Variants in RIMKLA observed in about 807,000 individuals in gnomAD.
RIMKLA encodes ribosomal modification protein rimK like family member A.
RIMKLA carries 14 observed loss-of-function variants against 32.7 expected under a neutral mutation model. That is an observed-to-expected ratio of 0.43 (90% CI 0.28 to 0.67). The LOEUF (loss-of-function observed/expected upper bound fraction) is 0.67. RIMKLA is among the 30% of genes least tolerant of loss of function. RIMKLA has a pLI of 0.18. For synonymous variants in RIMKLA, 176 were observed against 204.1 expected (o/e 0.86, Z 1.18); for missense variants, 410 against 519.0 (o/e 0.79, Z 2.04).
At chr1:42,401,272 G>C in intron 2 of RIMKLA, among the ~76,000 whole-genome samples, 1 of 152,160 alleles carries the variant, frequency 6.6e-6, no homozygotes, top group South Asian at 2.1e-4. Context: ...CTGATGTGCC[G>C]CCCGGTTCCT....
intron 3 of RIMKLA, among the ~76,000 whole-genome samples, chr1:42,406,221 A>G (rs1643146503): frequency 6.6e-6 from 1 of 152,218 alleles, no homozygotes; most frequent in African/African-American, 2.4e-5. Context: ...AAAAAATGAA[A>G]ATACAATTCA....
chr1:42,409,201 C>CAAAAAAAAAAAAAAA (rs59543497), intron 3 of RIMKLA, among the ~76,000 whole-genome samples: 7 of 64,480 alleles, frequency 1.1e-4, no homozygotes, highest in African/African-American at 4.0e-4. Context: ...GACTCTGTCT[C>CAAAAAAAAAAAAAAA]AAAAAAAAAA....
At chr1:42,385,205 A>G (rs1642925851) in intron 1 of RIMKLA, among the ~76,000 whole-genome samples, 1 of 152,224 alleles carries the variant, frequency 6.6e-6, no homozygotes. Flanking sequence ...CTTAAAAGCT[A>G]CTTTGAAGTA....
chr1:42,385,844 C>CTCTCTCTCTCTCTCTTTCTT (rs1184237388), intron 1 of RIMKLA, among the ~76,000 whole-genome samples: 9 of 57,080 alleles, frequency 1.6e-4, no homozygotes, highest in Admixed American at 1.4e-3. Context: ...TTCTTTCTTT[C>CTCTCTCTCTCTCTCTTTCTT]TCTTTCTTTC....
intron 1 of RIMKLA, among the ~76,000 whole-genome samples, chr1:42,384,382 T>A (rs1264488777): frequency 6.6e-6 from 1 of 151,816 alleles, no homozygotes; most frequent in Non-Finnish European, 1.5e-5. Flanking sequence ...TCTTCATTCG[T>A]TTCATAAATA....
At chr1:42,385,833 T>C (rs1263737965) in intron 1 of RIMKLA, among the ~76,000 whole-genome samples, 6,959 of 85,336 alleles carry the variant, frequency 0.082, 1,487 homozygotes, top group Middle Eastern at 0.14. Context: ...CCTTCCTTTC[T>C]TTCTTTCTTT....
chr1:42,398,967 TAAAAAAAAAAA>T (rs543668676), intron 1 of RIMKLA, among the ~76,000 whole-genome samples: 6 of 98,378 alleles, frequency 6.1e-5, no homozygotes, highest in South Asian at 3.5e-4. Context: ...ACCCTGTCTT[TAAAAAAAAAAA>T]AAAAAAAAAA....
intron 1 of RIMKLA, among the ~76,000 whole-genome samples, chr1:42,393,842 T>C (rs1167207290): frequency 6.6e-6 from 1 of 152,228 alleles, no homozygotes; most frequent in Non-Finnish European, 1.5e-5. Context: ...TGGAGTGCAA[T>C]GGCGGGATCT....
At chr1:42,411,055 TGTG>T (rs1643193050) in intron 4 of RIMKLA, among the ~76,000 whole-genome samples, 2 of 152,174 alleles carry the variant, frequency 1.3e-5, no homozygotes, top group Admixed American at 1.3e-4. Context: ...ATGGGCCAGT[TGTG>T]GTGGCTTATG....
At chr1:42,402,826 G>C (rs1643112085) in intron 2 of RIMKLA, among the ~76,000 whole-genome samples, 1 of 152,036 alleles carries the variant, frequency 6.6e-6, no homozygotes, top group Non-Finnish European at 1.5e-5. Context: ...CCTGAGCTCA[G>C]GCAGTCCGCC....
In RIMKLA at chr1:42,408,534, GC is replaced by G. The variant is rs575796579; in HGVS notation, c.482-1448del. Among the ~76,000 whole-genome samples, 307 of 152,252 alleles carry G rather than the reference GC, an allele frequency of 2.0e-3. 1 individual carries two copies. Among genetic ancestry groups the G allele is most frequent in the Non-Finnish European group, 3.4e-3 (233 of 68,010 alleles). On this transcript the variant is annotated intron_variant, in intron 3 of 4. Transcript: ENST00000431473. ...CCTCCCGAGTTCAAGCGATTCTCCT[GC>G]CTCAGCATCCCAAGTAGCTGGGGTT...
intron 3 of RIMKLA, among the ~76,000 whole-genome samples, chr1:42,408,930 G>A (rs530653974): frequency 9.2e-5 from 14 of 152,122 alleles, no homozygotes; most frequent in African/African-American, 2.7e-4. Flanking sequence ...GATGTTGGCC[G>A]GTTATGGTGA....
In RIMKLA at chr1:42,396,015, C is replaced by T. The variant is rs141852590; in HGVS notation, c.164-3389C>T. Among the ~76,000 whole-genome samples the T allele has an allele frequency of 9.1e-4, 138 of 151,836 alleles. 1 individual carries two copies. Among genetic ancestry groups the T allele is most frequent in the African/African-American group, 3.1e-3 (128 of 41,446 alleles). ...CAGCACTTTGGGAGGCTGAGGCGGG[C>T]GGATCACCTGAGGTCAAGAGACCAG... On this transcript the variant is annotated intron_variant, in intron 1 of 4. Coordinates refer to ENST00000431473, the MANE Select transcript of RIMKLA (RefSeq NM_173642.4).
chr1:42,388,519 T>TTTTTG (rs1553175746), intron 1 of RIMKLA, among the ~76,000 whole-genome samples: 1 of 51,564 alleles, frequency 1.9e-5, no homozygotes, highest in Non-Finnish European at 5.1e-5. Flanking sequence ...GAAAGCTTGT[T>TTTTTG]TTTTTTTTTT....
rs1642880889 is a variant in RIMKLA at position 42,380,912 on chromosome 1, C to T, written c.-23C>T. On this transcript the variant is annotated 5_prime_UTR_variant, in exon 1 of 5. Coordinates refer to ENST00000431473, the MANE Select transcript of RIMKLA (RefSeq NM_173642.4). ...GGGGCGCCGAGGGGTCCGCGCCGCG[C>T]GGGGCGCACCGCCCTGGCCGCCATG... is the stretch of plus-strand genomic sequence containing the variant. The T allele has an allele frequency of 1.5e-6, 2 of 1,321,466 alleles. No homozygotes were observed. The highest frequency in any genetic ancestry group is 4.2e-5 in the South Asian group (2 of 47,636). The allele number at this position is 1,321,466 out of a possible 1,614,324, so 81.9% of individuals were successfully genotyped here. A position where few individuals can be genotyped will look rare whatever the true frequency, so the allele number is the denominator to read the frequency against.
chr1:42,399,251 CTATAG>C (rs1643073966), intron 1 of RIMKLA, among the ~76,000 whole-genome samples, 148 bp from the exon 2 acceptor site: 1 of 152,090 alleles, frequency 6.6e-6, no homozygotes, highest in Admixed American at 6.5e-5. Context: ...ATAGGGTTGC[CTATAG>C]AGTTTCCTTG....
intron 1 of RIMKLA, among the ~76,000 whole-genome samples, chr1:42,382,431 GA>G (rs1642897316): frequency 6.6e-6 from 1 of 152,142 alleles, no homozygotes; most frequent in African/African-American, 2.4e-5. Context: ...TTTTGTCTTT[GA>G]ATCTCGGGAT....
chr1:42,404,263 ATTGT>A (rs1431442193), intron 2 of RIMKLA, among the ~76,000 whole-genome samples: 2 of 152,044 alleles, frequency 1.3e-5, no homozygotes, highest in African/African-American at 4.8e-5. Context: ...TACCTATATG[ATTGT>A]TATAAGGATT....
At chr1:42,398,351 G>A (rs1643065131) in intron 1 of RIMKLA, among the ~76,000 whole-genome samples, 1 of 152,132 alleles carries the variant, frequency 6.6e-6, no homozygotes, top group Non-Finnish European at 1.5e-5. Context: ...CTTGCAAAGT[G>A]GATTGGTTGT....
Sources: allele counts gnomAD v4.1 joint callset (sites outside exome capture counted in the v4.1 genomes callset), GRCh38; gene constraint gnomAD v4.1.1; transcripts MANE v1.5; gene names NCBI Gene and HGNC (gene_info 2026-07-23, HGNC 2026-07-21).